The following CEP350 variants were observed in gnomAD, a reference collection of about 807,000 sequenced individuals.
The protein encoded by CEP350 is centrosomal protein 350.
In CEP350, 126 loss-of-function variants were observed where a neutral mutation model predicts 331.8. The ratio of observed to expected loss-of-function variants is 0.38; its 90% CI spans 0.33 to 0.44. The LOEUF is 0.44. Ranked by LOEUF, CEP350 falls within the 20% of genes least tolerant of loss-of-function variation. The pLI is 1.00. For missense variants in CEP350, 3,406 were observed against 3,634.6 expected, an observed-to-expected ratio of 0.94 and a Z score of 1.62; for synonymous variants, 1,200 against 1,259.5, an observed-to-expected ratio of 0.95 and a Z score of 1.00.
chr1:180,059,162 A>G (rs1658046785), intron 25 of CEP350, among the ~76,000 whole-genome samples: 3 of 152,154 alleles, frequency 2.0e-5, no homozygotes, highest in Non-Finnish European at 2.9e-5. Flanking sequence ...TACATTATTT[A>G]GTTCAGAAAC....
chr1:180,029,310 A>G (rs1282257260), intron 14 of CEP350, among the ~76,000 whole-genome samples: 4 of 152,238 alleles, frequency 2.6e-5, no homozygotes, highest in Admixed American at 2.6e-4. Context: ...AAGTCAAGAA[A>G]AAATTTTAAG....
At chr1:180,071,384 G>A (rs1337792565) in intron 27 of CEP350, among the ~76,000 whole-genome samples, 1 of 150,878 alleles carries the variant, frequency 6.6e-6, no homozygotes, top group Non-Finnish European at 1.5e-5. Flanking sequence ...TCTTGAACCC[G>A]GGAGACGGAG....
At chr1:179,980,925 C>T (rs1652233628) in intron 1 of CEP350, among the ~76,000 whole-genome samples, 1 of 151,894 alleles carries the variant, frequency 6.6e-6, no homozygotes, top group South Asian at 2.1e-4. Flanking sequence ...TTTCTATATA[C>T]AATATATGTT....
chr1:179,992,647 T>C (rs1305429416), intron 5 of CEP350, among the ~76,000 whole-genome samples: 1 of 152,132 alleles, frequency 6.6e-6, no homozygotes, highest in Non-Finnish European at 1.5e-5. Context: ...AAAATTCCTA[T>C]CTTATTGAGA....
intron 30 of CEP350, 76 bp from the exon 31 acceptor site, chr1:180,083,942 C>A: frequency 2.9e-6 from 2 of 678,388 alleles, no homozygotes; most frequent in South Asian, 2.8e-5. Context: ...TACATTACAG[C>A]TTTTTATTAG....
chr1:179,990,831 A>AT (rs1417346206), intron 4 of CEP350, among the ~76,000 whole-genome samples: 1 of 152,114 alleles, frequency 6.6e-6, no homozygotes, highest in Non-Finnish European at 1.5e-5. Context: ...AAGTGCTGGG[A>AT]TTATAGGTGT....
At chr1:180,008,782 G>A (rs887244738) in intron 8 of CEP350, among the ~76,000 whole-genome samples, 3 of 152,082 alleles carry the variant, frequency 2.0e-5, no homozygotes, top group East Asian at 3.9e-4. Flanking sequence ...TTAGTGCTGC[G>A]GTAAGAGGTC....
chr1:179,986,051 G>C (rs1305657044), intron 1 of CEP350, 118 bp from the exon 2 acceptor site: 2 of 757,424 alleles, frequency 2.6e-6, no homozygotes, highest in Non-Finnish European at 4.2e-6. Context: ...ATAGTAGCTT[G>C]TCCTATTTAC....
chr1:180,069,160 TAG>T (rs541143350), intron 27 of CEP350, among the ~76,000 whole-genome samples: 48 of 152,206 alleles, frequency 3.2e-4, no homozygotes, highest in Non-Finnish European at 5.4e-4. Context: ...CGAGGTAGCA[TAG>T]AAAGATGAAG....
intron 37 of CEP350, among the ~76,000 whole-genome samples, chr1:180,108,051 T>A (rs1175131815): frequency 1.3e-5 from 2 of 151,868 alleles, no homozygotes; most frequent in African/African-American, 4.8e-5. Context: ...GTTGTTATAG[T>A]TGAAGATCCA....
Position 180,032,775 on chromosome 1 carries a change from T to C in CEP350, c.3726-1087T>C, listed in dbSNP as rs145493937. 2.3e-3 allele frequency among the ~76,000 whole-genome samples: 348 copies of C among 152,260 alleles called. 5 individuals are homozygous for C. Among genetic ancestry groups the C allele is most frequent in the East Asian group, 4.4e-3 (23 of 5,190 alleles). ...CTAAATTTTATCTGCATAGCAAATA[T>C]AAATTCATCTTATAAAACCCTAAGG... On this transcript the variant is annotated intron_variant, in intron 15 of 37. Transcript: ENST00000367607.
At chr1:180,046,932 T>C (rs1313118894) in intron 21 of CEP350, among the ~76,000 whole-genome samples, 5 of 152,368 alleles carry the variant, frequency 3.3e-5, no homozygotes, top group East Asian at 3.8e-4. Context: ...GTGTGCTGCA[T>C]TACATCTTTT....
At chr1:180,081,256 T>C (rs1184143621) in intron 30 of CEP350, among the ~76,000 whole-genome samples, 2 of 152,200 alleles carry the variant, frequency 1.3e-5, no homozygotes, top group East Asian at 3.8e-4. Context: ...TGGGTTTTTT[T>C]TGGTAATTAA....
chr1:179,973,596 A>G (rs76425715), intron 1 of CEP350, among the ~76,000 whole-genome samples: 6,095 of 152,272 alleles, frequency 0.04, 144 homozygotes, highest in Middle Eastern at 0.14. Context: ...TTTATTGCAC[A>G]TTAATGATGA....
At chr1:179,982,217 C>G (rs1571813061) in intron 1 of CEP350, among the ~76,000 whole-genome samples, 1 of 152,172 alleles carries the variant, frequency 6.6e-6, no homozygotes, top group South Asian at 2.1e-4. Flanking sequence ...AGCCACCTCT[C>G]TAGCCACTTC....
At chr1:180,087,771 G>C in intron 32 of CEP350, 54 bp downstream of exon 32, 1 of 1,374,574 alleles carries the variant, frequency 7.3e-7, no homozygotes, top group South Asian at 1.9e-5. Flanking sequence ...AAAGGAATAA[G>C]GGAATATTTT....
At chr1:180,016,108 A>G (rs1654954237) in intron 11 of CEP350, 138 bp downstream of exon 11, 2 of 958,560 alleles carry the variant, frequency 2.1e-6, no homozygotes, top group East Asian at 2.5e-5. Context: ...ATATCTTCTG[A>G]AATTTAGGCA....
At chr1:180,004,906 G>GCTTGCTTTCTTTCTTTCTTTCTTTCTTT (rs1363516834) in intron 7 of CEP350, among the ~76,000 whole-genome samples, 32 of 130,864 alleles carry the variant, frequency 2.4e-4, no homozygotes, top group Admixed American at 5.4e-4. Flanking sequence ...TTGCTTGCTT[G>GCTTGCTTTCTTTCTTTCTTTCTTTCTTT]CTTTCTTTCT....
At chr1:179,962,739 T>A (rs919274173) in intron 1 of CEP350, among the ~76,000 whole-genome samples, 1 of 152,226 alleles carries the variant, frequency 6.6e-6, no homozygotes, top group Non-Finnish European at 1.5e-5. Context: ...GTACTTAGTT[T>A]GATTCAATGA....
Sources: allele counts gnomAD v4.1 joint callset (sites outside exome capture counted in the v4.1 genomes callset), GRCh38; gene constraint gnomAD v4.1.1; transcripts MANE v1.5; gene names NCBI Gene and HGNC (gene_info 2026-07-23, HGNC 2026-07-21).